DENND1A: variants seen among roughly 807,000 people sequenced by gnomAD.
The protein encoded by DENND1A is DENN domain containing 1A.
A neutral mutation model predicts 113.7 loss-of-function variants in DENND1A; 51 were observed. That is an observed-to-expected ratio of 0.45 (90% CI 0.36 to 0.57). DENND1A has a LOEUF of 0.57. Ranked by LOEUF, DENND1A falls within the 20% of genes least tolerant of loss-of-function variation. DENND1A has a pLI of 0.00. For missense variants in DENND1A, 1,258 were observed against 1,395.9 expected (o/e 0.90, Z 1.57); for synonymous variants, 565 against 570.8 (o/e 0.99, Z 0.14).
At chr9:123,534,317 T>C (rs2055559003) in intron 13 of DENND1A, among the ~76,000 whole-genome samples, 1 of 152,204 alleles carries the variant, frequency 6.6e-6, no homozygotes, top group Non-Finnish European at 1.5e-5. Flanking sequence ...TTGCTTACTG[T>C]TGGGCCTTAA....
intron 9 of DENND1A, among the ~76,000 whole-genome samples, chr9:123,640,087 T>C (rs1176054528): frequency 6.6e-6 from 1 of 152,186 alleles, no homozygotes; most frequent in Non-Finnish European, 1.5e-5. Context: ...CTCTGATCTA[T>C]ATTAATCCCA....
intron 20 of DENND1A, 81 bp from the exon 21 acceptor site, chr9:123,403,571 ACGGCCCCCC>A: frequency 7.6e-7 from 1 of 1,312,144 alleles, no homozygotes; most frequent in Admixed American, 1.9e-5. Flanking sequence ...ATTTGGATAA[ACGGCCCCCC>A]CAAAAAACGT....
In DENND1A at chr9:123,452,178, A is replaced by G. The variant is rs1370443061; in HGVS notation, c.1299+98T>C. The G allele has an allele frequency of 7.6e-6, 9 of 1,183,402 alleles. No homozygotes were observed. The Admixed American group carries it at 1.6e-4, about 21-fold the overall frequency. The allele number at this position is 1,183,402 out of a possible 1,614,324, so 73.3% of individuals were successfully genotyped here. ...CACTGCACTCCAGCCTGGGCAACAG[A>G]GCAAGACCCAGTTTCAAAAGTAAGT... On this transcript the variant is annotated intron_variant, in intron 17 of 23. Coordinates refer to ENST00000394215, the MANE Select transcript of DENND1A (RefSeq NM_001352964.2).
chr9:123,544,856 TG>T (rs765021085), intron 13 of DENND1A, among the ~76,000 whole-genome samples: 4 of 152,186 alleles, frequency 2.6e-5, no homozygotes, highest in Non-Finnish European at 2.9e-5. Context: ...CCCAGCACTT[TG>T]GGAAGCCAAG....
chr9:123,384,265 A>T (rs1411875852), intron 22 of DENND1A, among the ~76,000 whole-genome samples: 1 of 152,244 alleles, frequency 6.6e-6, no homozygotes, highest in Non-Finnish European at 1.5e-5. Flanking sequence ...AAGGGGGCTC[A>T]CAGGCCAGCA....
At chr9:123,714,464 T>C (rs2066841284) in intron 5 of DENND1A, among the ~76,000 whole-genome samples, 1 of 151,850 alleles carries the variant, frequency 6.6e-6, no homozygotes, top group Admixed American at 6.6e-5. Flanking sequence ...TAGCCGGGTG[T>C]GGTGGTGCAT....
chr9:123,641,817 C>G (rs1292414811), intron 9 of DENND1A, among the ~76,000 whole-genome samples: 3 of 152,158 alleles, frequency 2.0e-5, no homozygotes, highest in Non-Finnish European at 4.4e-5. Context: ...TCCGGGGAAC[C>G]TCAAAAAATA....
At chr9:123,888,892 T>C (rs578225026) in intron 1 of DENND1A, among the ~76,000 whole-genome samples, 1 of 152,018 alleles carries the variant, frequency 6.6e-6, no homozygotes, top group African/African-American at 2.4e-5. Flanking sequence ...TAACCTTGTT[T>C]GTAGGAGAAG....
intron 13 of DENND1A, among the ~76,000 whole-genome samples, chr9:123,506,196 AAAT>A (rs1451465668): frequency 1.3e-5 from 2 of 152,226 alleles, no homozygotes; most frequent in Non-Finnish European, 2.9e-5. Context: ...ACAACAGAAA[AAAT>A]AATATTATTT....
intron 2 of DENND1A, among the ~76,000 whole-genome samples, chr9:123,863,424 T>G (rs904023935): frequency 6.6e-6 from 1 of 152,210 alleles, no homozygotes; most frequent in Non-Finnish European, 1.5e-5. Flanking sequence ...TAAAGGTATG[T>G]TTTGGAGAAA....
chr9:123,750,863 C>T (rs575513224), intron 5 of DENND1A, among the ~76,000 whole-genome samples: 1 of 152,080 alleles, frequency 6.6e-6, no homozygotes, highest in African/African-American at 2.4e-5. Context: ...TACCCTCGGG[C>T]GAGACAACCA....
intron 13 of DENND1A, among the ~76,000 whole-genome samples, chr9:123,529,120 C>A (rs1424760490): frequency 2.0e-5 from 3 of 152,014 alleles, no homozygotes; most frequent in African/African-American, 7.3e-5. Flanking sequence ...AACATATGAC[C>A]AATGCAATAT....
At chr9:123,845,875 A>C (rs1317769211) in intron 2 of DENND1A, among the ~76,000 whole-genome samples, 1 of 152,092 alleles carries the variant, frequency 6.6e-6, no homozygotes, top group East Asian at 1.9e-4. Context: ...GATAAATAGG[A>C]CTTCACTGAA....
rs537964549 is a variant in DENND1A at position 123,569,555 on chromosome 9, C to T, written c.868-11860G>A. On this transcript the variant is annotated intron_variant, in intron 12 of 23. Coordinates refer to ENST00000394215, the MANE Select transcript of DENND1A (RefSeq NM_001352964.2). ...CTCGATCGTTGACAAATCATACACACACGCTTAGGGCAAGGCTCACTGGAT... is the reference window on the plus strand; with the variant it reads ...CTCGATCGTTGACAAATCATACACATACGCTTAGGGCAAGGCTCACTGGAT... 9 of 152,394 alleles carry T rather than the reference C, an allele frequency of 5.9e-5. No homozygotes were observed. In the South Asian group the frequency reaches 1.5e-3, roughly 25 times the overall value. The allele number at this position is 152,394 out of a possible 1,614,324, so 9.4% of individuals were successfully genotyped here. A position where few individuals can be genotyped will look rare whatever the true frequency, so the allele number is the denominator to read the frequency against.
chr9:123,549,285 G>A (rs555777864), intron 13 of DENND1A, among the ~76,000 whole-genome samples: 4 of 152,118 alleles, frequency 2.6e-5, no homozygotes, highest in South Asian at 2.1e-4. Context: ...TCATCTTGCT[G>A]TACTGTACAT....
At chr9:123,561,820 C>A (rs996884093) in intron 12 of DENND1A, among the ~76,000 whole-genome samples, 1 of 152,132 alleles carries the variant, frequency 6.6e-6, no homozygotes, top group East Asian at 1.9e-4. Flanking sequence ...CATCATCCGG[C>A]CAGTCTCCTG....
At chr9:123,879,304 G>A (rs916738559) in intron 1 of DENND1A, among the ~76,000 whole-genome samples, 1 of 152,140 alleles carries the variant, frequency 6.6e-6, no homozygotes, top group African/African-American at 2.4e-5. Context: ...AGGCCAAGGT[G>A]GGAGGATCAC....
chr9:123,498,817 G>A (rs760755243), intron 13 of DENND1A, among the ~76,000 whole-genome samples: 4 of 151,876 alleles, frequency 2.6e-5, no homozygotes, highest in Non-Finnish European at 5.9e-5. Flanking sequence ...CCACTTCCTG[G>A]GTTAAAGTGA....
intron 13 of DENND1A, among the ~76,000 whole-genome samples, chr9:123,546,416 G>A (rs1191356370): frequency 4.6e-5 from 7 of 152,100 alleles, no homozygotes; most frequent in Non-Finnish European, 5.9e-5. Context: ...GCCGGGCGTG[G>A]TGGTAGGCGC....
Sources: allele counts gnomAD v4.1 joint callset (sites outside exome capture counted in the v4.1 genomes callset), GRCh38; gene constraint gnomAD v4.1.1; transcripts MANE v1.5; gene names NCBI Gene and HGNC (gene_info 2026-07-23, HGNC 2026-07-21).